The following MYZAP variants were observed in gnomAD, a reference collection of about 807,000 sequenced individuals.
The protein encoded by MYZAP is myocardial zonula adherens protein, also known as GRINL1A complex locus upstream.
In MYZAP, 66 loss-of-function variants were observed where a neutral mutation model predicts 69.4. The observed-to-expected ratio is 0.95, with a 90% CI of 0.78 to 1.17. MYZAP has a LOEUF of 1.17. Ranked by LOEUF, MYZAP falls within the 50% of genes most tolerant of loss-of-function variation. MYZAP has a pLI of 0.00. For missense variants in MYZAP, 611 were observed against 556.2 expected, an observed-to-expected ratio of 1.10 and a Z score of -0.99; for synonymous variants, 256 against 205.9, an observed-to-expected ratio of 1.24 and a Z score of -2.09.
chr15:57,676,235 G>T (rs530704994), intron 12 of MYZAP, among the ~76,000 whole-genome samples: 1 of 151,838 alleles, frequency 6.6e-6, no homozygotes, highest in South Asian at 2.1e-4. Flanking sequence ...TTTATTACTG[G>T]TATTGTCATT....
intron 10 of MYZAP, chr15:57,646,581 G>C (rs1190678374): frequency 1.3e-5 from 13 of 1,003,898 alleles, no homozygotes; most frequent in Non-Finnish European, 1.4e-5. Flanking sequence ...ATCTGCTAAG[G>C]AGATGGGAAG....
chr15:57,659,135 C>T (rs1448346898), intron 10 of MYZAP, among the ~76,000 whole-genome samples: 1 of 151,982 alleles, frequency 6.6e-6, no homozygotes, highest in African/African-American at 2.4e-5. Flanking sequence ...ATGTGTTTTA[C>T]TCAATTACAC....
chr15:57,626,180 A>G (rs547694895), intron 5 of MYZAP, among the ~76,000 whole-genome samples: 104 of 152,322 alleles, frequency 6.8e-4, no homozygotes, highest in African/African-American at 2.5e-3. Flanking sequence ...GGTCCTCAGC[A>G]TCAGTGCCTA....
rs537593446 is a variant in MYZAP at position 57,639,225 on chromosome 15, T to G, written c.1014-215T>G. Among the ~76,000 whole-genome samples, 141 of 151,986 alleles carry G rather than the reference T, an allele frequency of 9.3e-4. No individual in the cohort carries two copies. The Middle Eastern group carries it at 0.014, about 15-fold the overall frequency. On this transcript the variant is annotated intron_variant, in intron 9 of 12. Coordinates refer to ENST00000267853, the MANE Select transcript of MYZAP (RefSeq NM_001018100.5). ...ATTTTTATTTATTTATTTTTTTTTT[T>G]TGTGGAGATGAGGGTCTCAGCATAT...
chr15:57,674,749 A>C (rs1363494365), intron 11 of MYZAP, among the ~76,000 whole-genome samples: 1 of 152,248 alleles, frequency 6.6e-6, no homozygotes, highest in Non-Finnish European at 1.5e-5. Flanking sequence ...ATTTATGTAA[A>C]ATTGGATGCA....
At chr15:57,630,542 A>G (rs984807054) in intron 6 of MYZAP, among the ~76,000 whole-genome samples, 2 of 152,188 alleles carry the variant, frequency 1.3e-5, no homozygotes, top group Non-Finnish European at 1.5e-5. Flanking sequence ...CCCAAGTACA[A>G]TATTCTCAAG....
intron 11 of MYZAP, among the ~76,000 whole-genome samples, chr15:57,668,730 T>A (rs370954603): frequency 3.3e-5 from 5 of 152,180 alleles, no homozygotes; most frequent in Admixed American, 2.0e-4. Flanking sequence ...CGTTGTTTTA[T>A]TGAGCTTTTA....
rs145920962 is a variant in MYZAP, at chr15:57,615,945, A to G, written c.163-2088A>G. 4.1e-3 allele frequency among the ~76,000 whole-genome samples: 529 copies of G among 130,136 alleles called. 3 individuals are homozygous for G. The highest frequency in any genetic ancestry group is 0.016 in the African/African-American group (507 of 32,624). The allele number at this position is 130,136 out of a possible 152,430, so 85.4% of individuals were successfully genotyped here. On this transcript the variant is annotated intron_variant, in intron 2 of 12. Coordinates refer to ENST00000267853, the MANE Select transcript of MYZAP (RefSeq NM_001018100.5). ...TTTTCTTACTTTTTAAAAAGATTAC[A>G]TTGAAACGAAGCAAAACAAAACAAA...
At chr15:57,655,013 C>A (rs1388940616) in intron 10 of MYZAP, among the ~76,000 whole-genome samples, 1 of 152,004 alleles carries the variant, frequency 6.6e-6, no homozygotes, top group Non-Finnish European at 1.5e-5. Context: ...AACACTTGTT[C>A]CCTGTGGGTT....
intron 12 of MYZAP, among the ~76,000 whole-genome samples, chr15:57,679,376 T>TGTGTGTGTGTGTG (rs57864057): frequency 7.4e-5 from 10 of 135,864 alleles, no homozygotes; most frequent in South Asian, 7.0e-4. Context: ...GTGTGTGTGT[T>TGTGTGTGTGTGTG]TCTCTCTCTC....
intron 10 of MYZAP, chr15:57,646,049 T>A: frequency 1.3e-6 from 1 of 742,224 alleles, no homozygotes; most frequent in Non-Finnish European, 2.0e-6. Flanking sequence ...GTACTTCTCA[T>A]AATTGGTAAT....
intron 2 of MYZAP, among the ~76,000 whole-genome samples, chr15:57,611,446 T>G (rs1419052065): frequency 6.6e-6 from 1 of 152,084 alleles, no homozygotes; most frequent in Admixed American, 6.5e-5. Context: ...TTTTCTCCCG[T>G]GTATTCTTCC....
chr15:57,620,315 T>A (rs778671586), intron 3 of MYZAP, among the ~76,000 whole-genome samples: 1 of 152,194 alleles, frequency 6.6e-6, no homozygotes, highest in Non-Finnish European at 1.5e-5. Flanking sequence ...GCTTCAAAAT[T>A]AAGCCTTCCA....
rs182294490 is a variant in MYZAP, at chr15:57,653,130, G to A, written c.1120-8320G>A. ...GGGATGGTGGCTGGGGAGCTTTGGT[G>A]TATTTATTAACCTGTGGTTGAGTTT... On this transcript the variant is annotated intron_variant, in intron 10 of 12. Coordinates refer to ENST00000267853, the MANE Select transcript of MYZAP (RefSeq NM_001018100.5). 6.6e-5 allele frequency among the ~76,000 whole-genome samples: 10 copies of A among 152,242 alleles called. No individual in the cohort carries two copies. The East Asian group carries it at 1.9e-3, about 29-fold the overall frequency.
At chr15:57,608,765 C>G (rs375081567) in intron 2 of MYZAP, among the ~76,000 whole-genome samples, 2 of 152,200 alleles carry the variant, frequency 1.3e-5, no homozygotes, top group Admixed American at 6.5e-5. Flanking sequence ...TGTTTTTACC[C>G]CCTTAGACCT....
intron 9 of MYZAP, among the ~76,000 whole-genome samples, chr15:57,638,180 C>T (rs1406169660): frequency 2.0e-5 from 3 of 152,176 alleles, no homozygotes; most frequent in Admixed American, 6.5e-5. Flanking sequence ...CTTGCATTAT[C>T]CTCTGGCAGT....
intron 10 of MYZAP, among the ~76,000 whole-genome samples, chr15:57,652,121 C>T (rs779909517): frequency 2.0e-4 from 31 of 152,232 alleles, no homozygotes; most frequent in South Asian, 8.3e-4. Flanking sequence ...AATGAATTTC[C>T]ACAAACCCAA....
In MYZAP at chr15:57,635,253, A is replaced by G. The variant is rs146149933; in HGVS notation, c.933+1512A>G. The stretch of plus-strand genomic sequence containing the variant: ...TATTCTTAGGGCTTTTGTGAGCAAT[A>G]AATGAGAAAAATCCACGCCAAGTGC... On this transcript the variant is annotated intron_variant, in intron 8 of 12. Coordinates refer to ENST00000267853, the MANE Select transcript of MYZAP (RefSeq NM_001018100.5). Among the ~76,000 whole-genome samples the G allele has an allele frequency of 3.5e-4, 53 of 152,366 alleles. 1 individual carries two copies. The East Asian group carries it at 9.8e-3, about 28-fold the overall frequency.
In MYZAP at chr15:57,633,609, G is replaced by T. The variant is rs146453491; in HGVS notation, c.805-4G>T. ...GTACTTAGGAGGGTATATTTCTTTT[G>T]CAGGAAGAAACCAATAGTTTTCTGA... On this transcript the variant is annotated splice_region_variant and splice_polypyrimidine_tract_variant and intron_variant, in intron 7 of 12. Coordinates refer to ENST00000267853, the MANE Select transcript of MYZAP (RefSeq NM_001018100.5). 6.8e-4 allele frequency: 1,088 copies of T among 1,611,012 alleles called. 2 individuals are homozygous for T. Among genetic ancestry groups the T allele is most frequent in the Middle Eastern group, 4.5e-3 (27 of 6,050 alleles).
Sources: gnomAD v4.1 joint callset for allele counts (sites outside exome capture counted in the v4.1 genomes callset) on GRCh38, gnomAD v4.1.1 for gene constraint, MANE v1.5 for transcripts, NCBI Gene and HGNC (gene_info 2026-07-23, HGNC 2026-07-21) for gene names.